Variants in PTPN23 observed in about 807,000 individuals in gnomAD.
PTPN23 encodes the protein tyrosine-protein phosphatase non-receptor type 23.
PTPN23 carries 72 observed loss-of-function variants against 156.3 expected under a neutral mutation model. That is an observed-to-expected ratio of 0.46 (90% CI 0.38 to 0.56). The LOEUF (loss-of-function observed/expected upper bound fraction) is 0.56. PTPN23 is among the 20% of genes least tolerant of loss of function. The probability of loss-of-function intolerance (pLI) is 0.00; values close to 1 mark genes in which losing one functional copy is unlikely to be tolerated. For synonymous variants in PTPN23, 957 were observed against 899.6 expected (o/e 1.06, Z -1.14); for missense variants, 1,974 against 2,171.5 (o/e 0.91, Z 1.81).
Position 47,413,022 on chromosome 3 carries a change from T to C in PTPN23, c.4748T>C (p.Leu1583Ser). The C allele has an allele frequency of 6.2e-7, 1 of 1,612,862 alleles. No homozygotes were observed. Among genetic ancestry groups the C allele is most frequent in the African/African-American group, 1.3e-5 (1 of 75,022 alleles). Residue 1583 changes from leucine (L) to serine (S), a missense_variant, in exon 25 of 25, where the codon TTG becomes TCG. Physicochemically the swap from Leu to Ser is moderately radical, Grantham distance 145. This residue lies in a region of PTPN23 where 484 missense variants were observed against 516.0 expected (regional missense o/e 0.94). Transcript: ENST00000265562. ...TCCTCCCTGGAATTGCTGGCCTCCT[T>C]GACCCCAGAGGCCTTCTCCCTGGAC... ...PSSSLELLAS[L>S]TPEAFSLDSS...
At chr3:47,397,077 A>G (rs1704894035) in intron 2 of PTPN23, among the ~76,000 whole-genome samples, 1 of 152,226 alleles carries the variant, frequency 6.6e-6, no homozygotes, top group Admixed American at 6.5e-5. Context: ...AGAGGCAGGA[A>G]AAGGCCAGCC....
intron 1 of PTPN23, among the ~76,000 whole-genome samples, chr3:47,384,351 G>A (rs1704611226): frequency 6.7e-6 from 1 of 149,398 alleles, no homozygotes; most frequent in Admixed American, 6.7e-5. Flanking sequence ...GCCTGTAGTC[G>A]GGAGGCTGAG....
Position 47,406,591 on chromosome 3 carries a change from C to T in PTPN23, c.738C>T (p.Tyr246=), listed in dbSNP as rs143233964. The T allele has an allele frequency of 2.5e-6, 4 of 1,613,782 alleles. No individual in the cohort carries two copies. Among genetic ancestry groups the T allele is most frequent in the African/African-American group, 1.3e-5 (1 of 74,910 alleles). Residue 246 remains tyrosine (Y), a synonymous_variant, in exon 8 of 25, where the codon TAC becomes TAT. Transcript: ENST00000265562. The surrounding 1 kb of genome is among the most constrained non-coding windows in gnomAD (Gnocchi z 5.8). ...DWKKLVQMKI[Y]YFAAVAHLHM... ...AGAAACTTGTGCAGATGAAGATCTA[C>T]TACTTCGCAGCCGTGGCTCATGTGA...
Position 47,408,338 on chromosome 3 carries a change from C to A in PTPN23, c.1185-7C>A. ...CAGCACCCACCTGGCCCTGTTGCTC[C>A]CCACAGCCAGTTCATGGATTCAATG... On this transcript the variant is annotated splice_region_variant and splice_polypyrimidine_tract_variant and intron_variant, in intron 14 of 24. Coordinates refer to ENST00000265562, the MANE Select transcript of PTPN23 (RefSeq NM_015466.4). 6.2e-7 allele frequency: 1 copy of A among 1,612,880 alleles called. No homozygotes were observed. Among genetic ancestry groups the A allele is most frequent in the Non-Finnish European group, 8.5e-7 (1 of 1,179,192 alleles).
At position 47,406,844 on chromosome 3, in the gene PTPN23, C is replaced by T. The variant is rs1705137934; in HGVS notation, c.807+94C>T. ...TCCTTACACACCAGGGGGTGGCCTT[C>T]TCTGTCTCACCCTGGCCATCACCCT... On this transcript the variant is annotated intron_variant, in intron 9 of 24. Coordinates refer to ENST00000265562, the MANE Select transcript of PTPN23 (RefSeq NM_015466.4). The surrounding 1 kb of genome is among the most constrained non-coding windows in gnomAD (Gnocchi z 5.8). 2 of 1,493,772 alleles carry T rather than the reference C, an allele frequency of 1.3e-6. No homozygotes were observed. The highest frequency in any genetic ancestry group is 3.8e-5 in the Admixed American group (2 of 52,730). The allele number at this position is 1,493,772 out of a possible 1,614,324, so 92.5% of individuals were successfully genotyped here.
At chr3:47,408,031 T>A in intron 14 of PTPN23, 76 bp downstream of exon 14, 1 of 1,498,320 alleles carries the variant, frequency 6.7e-7, no homozygotes, top group South Asian at 1.2e-5. Context: ...GGGCTGCCTA[T>A]GCTGGGAGAG....
chr3:47,412,173 C>T lies in PTPN23; in HGVS notation c.4153C>T (p.His1385Tyr). The T allele has an allele frequency of 6.2e-7, 1 of 1,613,190 alleles. No homozygotes were observed. The highest frequency in any genetic ancestry group is 8.5e-7 in the Non-Finnish European group (1 of 1,180,036). The stretch of plus-strand genomic sequence containing the variant: ...ACATTACCTGCATCAGCGGCCGCTG[C>T]ACACGCCCATCATTGTGCACTGCAG... ...HAHYLHQRPLHTPIIVHCSSG... is the reference protein window; with the variant it reads ...HAHYLHQRPLYTPIIVHCSSG... Residue 1385 changes from histidine (H) to tyrosine (Y), a missense_variant, in exon 22 of 25, where the codon CAC becomes TAC. Coordinates refer to ENST00000265562, the MANE Select transcript of PTPN23 (RefSeq NM_015466.4).
rs757954841 is a variant in PTPN23, at chr3:47,411,197, T to C, written c.3399T>C (p.Ser1133=). The stretch of plus-strand genomic sequence containing the variant: ...AGAGCCAGCATGGCGGCACTCAGTC[T>C]CCTGGGGGTGGGCAGCCCCTGCTGC... ...SPESQHGGTQ[S]PGGGQPLLQP... The change falls in exon 20 of 25, where the codon TCT becomes TCC. Residue 1133 remains serine (S), a synonymous_variant. Coordinates refer to ENST00000265562, the MANE Select transcript of PTPN23 (RefSeq NM_015466.4). The surrounding 1 kb of genome is among the most constrained non-coding windows in gnomAD (Gnocchi z 6.3). 13 of 1,604,104 alleles carry C rather than the reference T, an allele frequency of 8.1e-6. No homozygotes were observed. The South Asian group carries it at 1.3e-4, about 16-fold the overall frequency.
intron 1 of PTPN23, among the ~76,000 whole-genome samples, chr3:47,382,967 A>G (rs2107688832): frequency 6.6e-6 from 1 of 152,174 alleles, no homozygotes; most frequent in East Asian, 1.9e-4. Context: ...GATTATAGGC[A>G]TGAGCCACCG....
At chr3:47,409,384 A>C in intron 17 of PTPN23, 33 bp from the exon 18 acceptor site, 1 of 1,613,698 alleles carries the variant, frequency 6.2e-7, no homozygotes, top group Non-Finnish European at 8.5e-7. Flanking sequence ...CGAGGCCCTG[A>C]GTGTCCGTCC....
At position 47,411,646 on chromosome 3, in the gene PTPN23, C is replaced by T; in HGVS notation, c.3848C>T (p.Ser1283Leu). 1 of 1,608,264 alleles carries T rather than the reference C, an allele frequency of 6.2e-7. No homozygotes were observed. The highest frequency in any genetic ancestry group is 2.2e-5 in the East Asian group (1 of 44,734). Reference protein sequence around the residue: ...FWLMVHEQKVSVIVMLVSEAE... With the variant: ...FWLMVHEQKVLVIVMLVSEAE... Reference sequence around the variant, plus strand: ...CTCATGGTCCATGAGCAGAAAGTGTCAGTCATTGTCATGCTGGTTTCTGAG... The same window carrying T: ...CTCATGGTCCATGAGCAGAAAGTGTTAGTCATTGTCATGCTGGTTTCTGAG... The change falls in exon 20 of 25, where the codon TCA becomes TTA. Residue 1283 changes from serine (S) to leucine (L), a missense_variant. Around this residue, in one of 4 missense-constraint regions of PTPN23, gnomAD observed 484 missense variants for 516.0 expected, o/e 0.94. Transcript: ENST00000265562. This position sits in a 1 kb window ranked among gnomAD's most constrained non-coding sequence, Gnocchi z 6.3.
In PTPN23 at chr3:47,412,998, C is replaced by T. The variant is rs1217171507; in HGVS notation, c.4724C>T (p.Ser1575Phe). Residue 1575 changes from serine to phenylalanine, a missense_variant, in exon 25 of 25, where the codon TCC becomes TTC. Physicochemically the swap from Ser to Phe is radical, Grantham distance 155. Around this residue, in one of 4 missense-constraint regions of PTPN23, gnomAD observed 484 missense variants for 516.0 expected, o/e 0.94. Coordinates refer to ENST00000265562, the MANE Select transcript of PTPN23 (RefSeq NM_015466.4). Reference sequence around the variant, plus strand: ...GCCCCCAGCTCGGGGCCCCCCTCCTCCTCCCTGGAATTGCTGGCCTCCTTG... The same window carrying T: ...GCCCCCAGCTCGGGGCCCCCCTCCTTCTCCCTGGAATTGCTGGCCTCCTTG... ...PEAPSSGPPS[S>F]SLELLASLTP... 14 of 1,612,338 alleles carry T rather than the reference C, an allele frequency of 8.7e-6. No homozygotes were observed. The East Asian group carries it at 2.7e-4, about 31-fold the overall frequency.
In PTPN23 at chr3:47,408,339, C is replaced by A. The variant is rs537726543; in HGVS notation, c.1185-6C>A. ...AGCACCCACCTGGCCCTGTTGCTCCCCACAGCCAGTTCATGGATTCAATGC... is the reference window on the plus strand; with the variant it reads ...AGCACCCACCTGGCCCTGTTGCTCCACACAGCCAGTTCATGGATTCAATGC... On this transcript the variant is annotated splice_region_variant and splice_polypyrimidine_tract_variant and intron_variant, in intron 14 of 24. Coordinates refer to ENST00000265562, the MANE Select transcript of PTPN23 (RefSeq NM_015466.4). 9 of 1,612,942 alleles carry A rather than the reference C, an allele frequency of 5.6e-6. No individual in the cohort carries two copies. The highest frequency in any genetic ancestry group is 2.7e-5 in the African/African-American group (2 of 75,034).
At chr3:47,385,621 G>A (rs1309185911) in intron 1 of PTPN23, among the ~76,000 whole-genome samples, 1 of 152,102 alleles carries the variant, frequency 6.6e-6, no homozygotes, top group Non-Finnish European at 1.5e-5. Context: ...ATGTTACAGT[G>A]AGCCAAGATC....
Position 47,388,043 on chromosome 3 carries a change from A to T in PTPN23, c.84+6863A>T, listed in dbSNP as rs191796608. Reference sequence around the variant, plus strand: ...TGGAAATAGCATAGCTATTGGAATCAGACCTTGGTTTAGGTCCCCTCTCAT... The same window carrying T: ...TGGAAATAGCATAGCTATTGGAATCTGACCTTGGTTTAGGTCCCCTCTCAT... On this transcript the variant is annotated intron_variant, in intron 1 of 24. Coordinates refer to ENST00000265562, the MANE Select transcript of PTPN23 (RefSeq NM_015466.4). Among the ~76,000 whole-genome samples, 16 of 152,338 alleles carry T rather than the reference A, an allele frequency of 1.1e-4. 1 individual carries two copies. The highest frequency in any genetic ancestry group is 6.2e-4 in the South Asian group (3 of 4,822).
rs1238397390 is a variant in PTPN23 at position 47,410,670 on chromosome 3, C to T, written c.2872C>T (p.His958Tyr). 6.2e-7 allele frequency: 1 copy of T among 1,604,630 alleles called. No homozygotes were observed. Among genetic ancestry groups the T allele is most frequent in the East Asian group, 2.2e-5 (1 of 44,828 alleles). ...AAGGATTGGGCCCCAGCCCCAGCCC[C>T]ATCCTCAGCCCCATCCTTCACAAGC... ...APRIGPQPQPHPQPHPSQAFG... is the reference protein window; with the variant it reads ...APRIGPQPQPYPQPHPSQAFG... Residue 958 changes from histidine (H) to tyrosine (Y), a missense_variant, in exon 20 of 25, where the codon CAT becomes TAT. His to Tyr is a moderately conservative substitution (Grantham distance 83, BLOSUM62 2). Coordinates refer to ENST00000265562, the MANE Select transcript of PTPN23 (RefSeq NM_015466.4).
chr3:47,412,118 C>G lies in PTPN23; in HGVS notation c.4098C>G (p.Asn1366Lys), dbSNP rs768006144. 1 of 1,613,156 alleles carries G rather than the reference C, an allele frequency of 6.2e-7. No individual in the cohort carries two copies. Among genetic ancestry groups the G allele is most frequent in the South Asian group, 1.1e-5 (1 of 91,086 alleles). ...PELGLPDSPS[N>K]LLRFIQEVHA... ...GAGGCCTGCCCGACAGCCCCAGCAA[C>G]TTGCTGCGCTTCATCCAGGAGGTGC... The change falls in exon 22 of 25, where the codon AAC becomes AAG. Residue 1366 changes from asparagine (N) to lysine (K), a missense_variant. Physicochemically the swap from Asn to Lys is moderately conservative, Grantham distance 94. This residue lies in a region of PTPN23 where 484 missense variants were observed against 516.0 expected (regional missense o/e 0.94). Transcript: ENST00000265562.
intron 1 of PTPN23, among the ~76,000 whole-genome samples, chr3:47,382,796 C>T (rs1217855246): frequency 7.0e-6 from 1 of 143,148 alleles, no homozygotes; most frequent in Non-Finnish European, 1.5e-5. Context: ...TCACGCCATT[C>T]TCCTGCCTCA....
chr3:47,410,890 C>G lies in PTPN23; in HGVS notation c.3092C>G (p.Ser1031Ter). The G allele has an allele frequency of 6.2e-7, 1 of 1,611,324 alleles. No individual in the cohort carries two copies. Among genetic ancestry groups the G allele is most frequent in the Non-Finnish European group, 8.5e-7 (1 of 1,178,672 alleles). The change falls in exon 20 of 25, where the codon TCA becomes TGA. Residue 1031 changes from serine to a stop codon, truncating the protein, a stop_gained. Coordinates refer to ENST00000265562, the MANE Select transcript of PTPN23 (RefSeq NM_015466.4). LOFTEE classifies it high-confidence loss of function. Reference sequence around the variant, plus strand: ...GCTCAAGACCCTCTGCCAGCCCACTCAGGGGCTCTGCCTTTCCCCAGCCCT... The same window carrying G: ...GCTCAAGACCCTCTGCCAGCCCACTGAGGGGCTCTGCCTTTCCCCAGCCCT... ...GPAQDPLPAH[S>*]GALPFPSPGP... is the part of the protein sequence containing the mutation.
Sources: gnomAD v4.1 joint callset for allele counts (sites outside exome capture counted in the v4.1 genomes callset) on GRCh38, gnomAD v4.1.1 for gene constraint, gnomAD v4.1.1 regional missense constraint, Gnocchi (gnomAD v3.1) non-coding constraint, MANE v1.5 for transcripts, NCBI Gene and HGNC (gene_info 2026-07-23, HGNC 2026-07-21) for gene names.